The following WIPF1 variants were observed in gnomAD, a reference collection of about 807,000 sequenced individuals.
WIPF1 encodes WAS/WASL-interacting protein family member 1.
WIPF1 carries 13 observed loss-of-function variants against 35.4 expected under a neutral mutation model. The observed-to-expected ratio is 0.37, with a 90% confidence interval of 0.24 to 0.58. The LOEUF (loss-of-function observed/expected upper bound fraction) is 0.58. Among genes scored for constraint, WIPF1 ranks in the 20% least tolerant of loss-of-function variants. WIPF1 has a pLI of 0.74. For synonymous variants in WIPF1, 267 were observed against 266.3 expected (o/e 1.00, Z -0.02); for missense variants, 591 against 667.0 (o/e 0.89, Z 1.25).
intron 1 of WIPF1, among the ~76,000 whole-genome samples, chr2:174,654,201 A>G (rs1687598122): frequency 6.6e-6 from 1 of 152,202 alleles, no homozygotes; most frequent in African/African-American, 2.4e-5. Context: ...TGTTTATTAA[A>G]AATTGATCAT....
At position 174,572,037 on chromosome 2, in the gene WIPF1, G is replaced by A. The variant is rs775538363; in HGVS notation, c.768C>T (p.Pro256=). ...FSNRPPLPPT[P]SRALDDKPPP... Reference sequence around the variant, plus strand: ...GGGGTTTGTCATCCAAGGCCCTGCTGGGGGTAGGCGGCAGGGGAGGCCGGT... The same window carrying A: ...GGGGTTTGTCATCCAAGGCCCTGCTAGGGGTAGGCGGCAGGGGAGGCCGGT... The change falls in exon 5 of 8, where the codon CCC becomes CCT. Residue 256 remains proline (P), a synonymous_variant. Coordinates refer to ENST00000679041, the MANE Select transcript of WIPF1 (RefSeq NM_001375834.1). 56 of 1,548,336 alleles carry A rather than the reference G, an allele frequency of 3.6e-5. No individual in the cohort carries two copies. Among genetic ancestry groups the A allele is most frequent in the Non-Finnish European group, 4.4e-5 (51 of 1,150,178 alleles).
intron 7 of WIPF1, among the ~76,000 whole-genome samples, chr2:174,564,973 G>A (rs534427293): frequency 1.1e-3 from 166 of 150,476 alleles, no homozygotes; most frequent in African/African-American, 3.7e-3. Flanking sequence ...TCTGCTCACC[G>A]CAACCTCCAC....
intron 1 of WIPF1, among the ~76,000 whole-genome samples, chr2:174,638,750 T>G (rs1403546191): frequency 2.6e-5 from 4 of 152,242 alleles, no homozygotes; most frequent in African/African-American, 4.8e-5. Flanking sequence ...TATGCCTGCA[T>G]AGTATTCTAT....
At chr2:174,671,125 C>A (rs1688009163) in intron 1 of WIPF1, among the ~76,000 whole-genome samples, 1 of 152,190 alleles carries the variant, frequency 6.6e-6, no homozygotes, top group Non-Finnish European at 1.5e-5. Flanking sequence ...AAGTCAGGGA[C>A]CCCGAATGGA....
intron 6 of WIPF1, 25 bp downstream of exon 6, chr2:174,567,836 C>G: frequency 3.9e-6 from 6 of 1,537,488 alleles, no homozygotes; most frequent in Non-Finnish European, 5.2e-6. Context: ...GCCCTATAGC[C>G]CAGGGAGCTG....
chr2:174,646,664 G>A (rs549212473), intron 1 of WIPF1, among the ~76,000 whole-genome samples: 420 of 152,082 alleles, frequency 2.8e-3, no homozygotes, highest in African/African-American at 9.9e-3. Flanking sequence ...TCATTCTGTC[G>A]CCCAGGCTGG....
chr2:174,587,000 A>G (rs1347870450), intron 1 of WIPF1, among the ~76,000 whole-genome samples: 1 of 152,206 alleles, frequency 6.6e-6, no homozygotes, highest in Non-Finnish European at 1.5e-5. Flanking sequence ...TATTTCTTTA[A>G]AAAATTTTTT....
chr2:174,613,969 A>G (rs1686431224), intron 1 of WIPF1, among the ~76,000 whole-genome samples: 1 of 152,216 alleles, frequency 6.6e-6, no homozygotes, highest in Non-Finnish European at 1.5e-5. Context: ...TTTCAGATAC[A>G]CTTAGCCCTA....
chr2:174,609,716 G>A (rs1686284526), intron 1 of WIPF1, among the ~76,000 whole-genome samples: 1 of 152,202 alleles, frequency 6.6e-6, no homozygotes, highest in South Asian at 2.1e-4. Context: ...AGAAAATACT[G>A]TTATTACAAG....
chr2:174,599,790 A>ACTCTCT (rs757196195), upstream of WIPF1, among the ~76,000 whole-genome samples: 7 of 59,136 alleles, frequency 1.2e-4, no homozygotes, highest in Non-Finnish European at 2.7e-4. Context: ...ACACACACAC[A>ACTCTCT]CACTCTCTCT....
intron 1 of WIPF1, among the ~76,000 whole-genome samples, chr2:174,638,350 A>G (rs376795275): frequency 1.3e-5 from 2 of 152,220 alleles, no homozygotes; most frequent in South Asian, 2.1e-4. Context: ...TAATGATCCA[A>G]TCAGGGTAGT....
intron 1 of WIPF1, among the ~76,000 whole-genome samples, chr2:174,591,015 G>T (rs1685585170): frequency 6.6e-6 from 1 of 152,144 alleles, no homozygotes; most frequent in African/African-American, 2.4e-5. Context: ...TTGGAGATAG[G>T]GTCTTTAAAG....
chr2:174,648,803 A>G (rs1447484149), intron 1 of WIPF1, among the ~76,000 whole-genome samples: 1 of 152,242 alleles, frequency 6.6e-6, no homozygotes, highest in Non-Finnish European at 1.5e-5. Flanking sequence ...AGCCTGATTA[A>G]AAACAAGGAT....
At chr2:174,609,471 C>T (rs1686277434) in intron 1 of WIPF1, among the ~76,000 whole-genome samples, 1 of 152,156 alleles carries the variant, frequency 6.6e-6, no homozygotes, top group African/African-American at 2.4e-5. Flanking sequence ...CTCAAGAGAG[C>T]CTGCAATGGC....
intron 1 of WIPF1, among the ~76,000 whole-genome samples, chr2:174,591,704 A>ACACACACACC (rs373727960): frequency 2.7e-5 from 4 of 150,208 alleles, no homozygotes; most frequent in African/African-American, 7.4e-5. Flanking sequence ...ACACACACAC[A>ACACACACACC]CCACCCCAAC....
At chr2:174,569,950 G>A (rs1434271265) in intron 5 of WIPF1, among the ~76,000 whole-genome samples, 2 of 152,214 alleles carry the variant, frequency 1.3e-5, no homozygotes, top group Non-Finnish European at 2.9e-5. Context: ...GAAATTCCTG[G>A]AAGGCAATTT....
chr2:174,665,404 T>G, intron 1 of WIPF1: 1 of 152,220 alleles, frequency 6.6e-6, no homozygotes, highest in East Asian at 1.9e-4. Context: ...TTCCTTGGCC[T>G]TCATCACCAA....
At chr2:174,581,174 A>G in intron 3 of WIPF1, 136 bp downstream of exon 3, 1 of 1,277,048 alleles carries the variant, frequency 7.8e-7, no homozygotes, top group Non-Finnish European at 1.1e-6. Flanking sequence ...GGAGTGATAC[A>G]GTCCCTTATT....
In WIPF1 at chr2:174,561,121, G is replaced by A. The variant is rs1684473436; in HGVS notation, c.*1426C>T. The stretch of plus-strand genomic sequence containing the variant: ...AACAAAATCATATAAGAAAAGGCAA[G>A]GCTGGCTCTTCCCTATGGTCCTTTA... On this transcript the variant is annotated 3_prime_UTR_variant, in exon 8 of 8. Coordinates refer to ENST00000679041, the MANE Select transcript of WIPF1 (RefSeq NM_001375834.1). 1 of 152,602 alleles carries A rather than the reference G, an allele frequency of 6.6e-6. No homozygotes were observed. The highest frequency in any genetic ancestry group is 2.4e-5 in the African/African-American group (1 of 41,434). 9.5% of individuals were successfully genotyped at this position (152,602 alleles called of 1,614,324 possible).
Sources: gnomAD v4.1 joint callset for allele counts (sites outside exome capture counted in the v4.1 genomes callset) on GRCh38, gnomAD v4.1.1 for gene constraint, MANE v1.5 for transcripts, NCBI Gene and HGNC (gene_info 2026-07-23, HGNC 2026-07-21) for gene names.